The following PHACTR1 variants were observed in gnomAD, a reference collection of about 807,000 sequenced individuals.
PHACTR1 encodes phosphatase and actin regulator 1.
Under a neutral mutation model 69.2 loss-of-function variants are expected in PHACTR1, and 16 were observed. The ratio of observed to expected loss-of-function variants is 0.23; its 90% confidence interval spans 0.16 to 0.35. The LOEUF is 0.35. PHACTR1 is among the 10% of genes least tolerant of loss of function. PHACTR1 has a pLI of 1.00. For missense variants in PHACTR1, 510 were observed against 734.7 expected (o/e 0.69, Z 3.54); for synonymous variants, 312 against 284.5 (o/e 1.10, Z -0.97).
chr6:13,232,953 T>A (rs1444301458), intron 10 of PHACTR1, among the ~76,000 whole-genome samples: 1 of 152,218 alleles, frequency 6.6e-6, no homozygotes, highest in Admixed American at 6.5e-5. Flanking sequence ...AAGATTTATC[T>A]GCAGATGGGA....
At chr6:13,284,502 A>C (rs1355285361) in intron 13 of PHACTR1, among the ~76,000 whole-genome samples, 4 of 133,476 alleles carry the variant, frequency 3.0e-5, no homozygotes, top group Non-Finnish European at 6.2e-5. Context: ...GGATGACAAC[A>C]GTGAAACTCC....
intron 4 of PHACTR1, among the ~76,000 whole-genome samples, chr6:13,016,618 CT>C (rs1437132953): frequency 2.0e-5 from 3 of 149,962 alleles, no homozygotes; most frequent in Non-Finnish European, 4.4e-5. Context: ...TAGCAATTAT[CT>C]TTTTACTCAA....
intron 4 of PHACTR1, among the ~76,000 whole-genome samples, chr6:12,804,681 A>G (rs997268472): frequency 2.6e-5 from 4 of 152,132 alleles, no homozygotes; most frequent in Non-Finnish European, 4.4e-5. Context: ...AATTAGCCAG[A>G]TGTGGTGACA....
chr6:12,882,816 C>A (rs1246949960), intron 4 of PHACTR1, among the ~76,000 whole-genome samples: 1 of 152,134 alleles, frequency 6.6e-6, no homozygotes, highest in Non-Finnish European at 1.5e-5. Flanking sequence ...AAATAATATT[C>A]TGTAAAGCAC....
chr6:13,241,802 T>C (rs776860367), intron 10 of PHACTR1, among the ~76,000 whole-genome samples: 3 of 151,360 alleles, frequency 2.0e-5, no homozygotes, highest in Non-Finnish European at 2.9e-5. Flanking sequence ...GGCAGGTGGA[T>C]CACTTGATAT....
At chr6:13,252,151 G>A (rs955110564) in intron 10 of PHACTR1, among the ~76,000 whole-genome samples, 2 of 128,810 alleles carry the variant, frequency 1.6e-5, no homozygotes, top group Non-Finnish European at 3.3e-5. Context: ...TGGGCAGATC[G>A]CCTGAGCCCA....
intron 4 of PHACTR1, among the ~76,000 whole-genome samples, chr6:12,856,116 A>G (rs956878819): frequency 5.3e-5 from 8 of 152,190 alleles, no homozygotes; most frequent in Non-Finnish European, 1.2e-4. Context: ...TCTAAATTCA[A>G]CTACAGCCCT....
At chr6:12,798,531 A>G (rs931875767) in intron 4 of PHACTR1, among the ~76,000 whole-genome samples, 1 of 152,232 alleles carries the variant, frequency 6.6e-6, no homozygotes, top group African/African-American at 2.4e-5. Flanking sequence ...TAAATAAAGC[A>G]TGATAGAACA....
rs1268178495 is a variant in PHACTR1 at position 13,148,018 on chromosome 6, T to TGTAA, written c.416-12185_416-12184insTAAG. Among the ~76,000 whole-genome samples, 427 of 152,318 alleles carry TGTAA rather than the reference T, an allele frequency of 2.8e-3. 3 individuals are homozygous for TGTAA. Among genetic ancestry groups the TGTAA allele is most frequent in the African/African-American group, 9.9e-3 (413 of 41,578 alleles). ...TTTTATTGTAATCATAGCCTTCCTT[T>TGTAA]GCTTTGTAGTTCTAAAGCTTAGAGA... On this transcript the variant is annotated intron_variant, in intron 5 of 14. Coordinates refer to ENST00000332995, the MANE Select transcript of PHACTR1 (RefSeq NM_030948.6).
rs1761894165 is a variant in PHACTR1, at chr6:13,179,573, A to G, written c.497-2946A>G. Among the ~76,000 whole-genome samples, 2 of 152,180 alleles carry G rather than the reference A, an allele frequency of 1.3e-5. No individual in the cohort carries two copies. Among genetic ancestry groups the G allele is most frequent in the Admixed American group, 1.3e-4 (2 of 15,262 alleles). On this transcript the variant is annotated intron_variant, in intron 6 of 14. Coordinates refer to ENST00000332995, the MANE Select transcript of PHACTR1 (RefSeq NM_030948.6). The surrounding 1 kb of genome is among the most constrained non-coding windows in gnomAD (Gnocchi z 4.2). ...CCCATCTTGGTCATAAATGATATTA[A>G]TAATGAATTTGTACTTATTGAATGG...
In PHACTR1 at chr6:13,153,426, C is replaced by T. The variant is rs146831885; in HGVS notation, c.416-6778C>T. The stretch of plus-strand genomic sequence containing the variant: ...TCATATTTCAGGCAAGTGAGATATG[C>T]GAAATCTCTTTTTTTACATGTCTGG... On this transcript the variant is annotated intron_variant, in intron 5 of 14. Transcript: ENST00000332995. Among the ~76,000 whole-genome samples the T allele has an allele frequency of 7.6e-4, 115 of 152,268 alleles. 2 individuals are homozygous for T. In the East Asian group the frequency reaches 0.021, roughly 28 times the overall value.
intron 4 of PHACTR1, among the ~76,000 whole-genome samples, chr6:12,938,109 C>T (rs13209002): frequency 0.1 from 15,303 of 151,958 alleles, 1,046 homozygotes; most frequent in South Asian, 0.15. Context: ...GAAAAACAAA[C>T]AAAACAGAAT....
chr6:13,231,058 A>G (rs1482337053), intron 10 of PHACTR1, among the ~76,000 whole-genome samples: 1 of 1,398 alleles, frequency 7.2e-4, no homozygotes, highest in African/African-American at 1.4e-3. Flanking sequence ...GAAGGAAGGA[A>G]GGAAGGAAGG....
chr6:12,892,127 G>A (rs1488304952), intron 4 of PHACTR1, among the ~76,000 whole-genome samples: 1 of 146,098 alleles, frequency 6.8e-6, no homozygotes, highest in Non-Finnish European at 1.5e-5. Context: ...TTCCAAATAT[G>A]TTACTAAAAG....
At chr6:13,048,612 G>C (rs187097595) in intron 4 of PHACTR1, among the ~76,000 whole-genome samples, 2 of 150,904 alleles carry the variant, frequency 1.3e-5, no homozygotes, top group African/African-American at 4.9e-5. Context: ...TTAGCTCACC[G>C]CAACCTCTGC....
At position 13,179,304 on chromosome 6, in the gene PHACTR1, A is replaced by G. The variant is rs945745748; in HGVS notation, c.497-3215A>G. 1.3e-5 allele frequency among the ~76,000 whole-genome samples: 2 copies of G among 152,050 alleles called. No homozygotes were observed. Among genetic ancestry groups the G allele is most frequent in the African/African-American group, 4.8e-5 (2 of 41,386 alleles). ...ATAAATAGCAGGACATGGAGAGACT[A>G]GTCTTCAAATTCATAACACTTGGAA... is the stretch of plus-strand genomic sequence containing the variant. On this transcript the variant is annotated intron_variant, in intron 6 of 14. Coordinates refer to ENST00000332995, the MANE Select transcript of PHACTR1 (RefSeq NM_030948.6). This position sits in a 1 kb window ranked among gnomAD's most constrained non-coding sequence, Gnocchi z 4.2.
intron 4 of PHACTR1, among the ~76,000 whole-genome samples, chr6:12,886,306 T>G (rs1387507910): frequency 6.6e-6 from 1 of 151,540 alleles, no homozygotes; most frequent in Admixed American, 6.6e-5. Flanking sequence ...GTCACAGACT[T>G]ACACTTTCCT....
intron 4 of PHACTR1, among the ~76,000 whole-genome samples, chr6:12,944,761 A>T (rs1263319388): frequency 1.7e-5 from 2 of 119,378 alleles, no homozygotes; most frequent in East Asian, 4.2e-4. Context: ...TGAATTATTT[A>T]TTTATTTATT....
chr6:13,145,536 A>G (rs1482065522), intron 5 of PHACTR1, among the ~76,000 whole-genome samples: 1 of 152,186 alleles, frequency 6.6e-6, no homozygotes, highest in African/African-American at 2.4e-5. Context: ...CCGCCCCACC[A>G]CCAAATTCAT....
Sources: allele counts gnomAD v4.1 joint callset (sites outside exome capture counted in the v4.1 genomes callset), GRCh38; gene constraint gnomAD v4.1.1; non-coding constraint Gnocchi (gnomAD v3.1); transcripts MANE v1.5; gene names NCBI Gene and HGNC (gene_info 2026-07-23, HGNC 2026-07-21).